The following RNGTT variants were observed in gnomAD, a reference collection of about 807,000 sequenced individuals.
The protein encoded by RNGTT is mRNA-capping enzyme.
In RNGTT, 33 loss-of-function variants were observed where a neutral mutation model predicts 79.3. The ratio of observed to expected loss-of-function variants is 0.42; its 90% CI spans 0.32 to 0.56. The LOEUF (loss-of-function observed/expected upper bound fraction) is 0.56. Among genes scored for constraint, RNGTT ranks in the 20% least tolerant of loss-of-function variants. The pLI, the probability that RNGTT is intolerant of heterozygous loss-of-function variation, is 0.17. For synonymous variants in RNGTT, 222 were observed against 235.9 expected, an observed-to-expected ratio of 0.94 and a Z score of 0.54; for missense variants, 497 against 739.1, an observed-to-expected ratio of 0.67 and a Z score of 3.80.
In RNGTT at chr6:88,827,052, C is replaced by T. The variant is rs528187152; in HGVS notation, c.1269+17305G>A. On this transcript the variant is annotated intron_variant, in intron 11 of 15. Coordinates refer to ENST00000369485, the MANE Select transcript of RNGTT (RefSeq NM_003800.5). ...CAGACAATGCCAAAGTAGTGGCTCA[C>T]ATTGTTGAGTTACACACTTTAAAAA... Among the ~76,000 whole-genome samples the T allele has an allele frequency of 1.3e-4, 20 of 151,820 alleles. No individual in the cohort carries two copies. The South Asian group carries it at 3.9e-3, about 30-fold the overall frequency.
At chr6:88,831,079 C>G (rs1780846922) in intron 11 of RNGTT, among the ~76,000 whole-genome samples, 1 of 152,174 alleles carries the variant, frequency 6.6e-6, no homozygotes, top group Non-Finnish European at 1.5e-5. Context: ...TCCAACCTAA[C>G]TCATTTTATG....
chr6:88,627,469 T>A (rs1237495884), intron 14 of RNGTT, among the ~76,000 whole-genome samples: 1 of 152,072 alleles, frequency 6.6e-6, no homozygotes, highest in African/African-American at 2.4e-5. Flanking sequence ...TATAACTATC[T>A]CCTTTCTCAC....
chr6:88,614,200 C>A, intron 15 of RNGTT, 72 bp downstream of exon 15: 1 of 1,450,914 alleles, frequency 6.9e-7, no homozygotes, highest in South Asian at 1.2e-5. Context: ...ACAACAAAGG[C>A]AGCACACTTT....
intron 13 of RNGTT, among the ~76,000 whole-genome samples, chr6:88,687,052 G>T (rs1775305969): frequency 6.6e-6 from 1 of 152,032 alleles, no homozygotes; most frequent in Admixed American, 6.6e-5. Flanking sequence ...GAAAATATTT[G>T]TAACATATAC....
intron 13 of RNGTT, among the ~76,000 whole-genome samples, chr6:88,698,666 T>C (rs1184487137): frequency 6.6e-6 from 1 of 152,096 alleles, no homozygotes; most frequent in Non-Finnish European, 1.5e-5. Context: ...CTAAAACTAT[T>C]TTAATAACTT....
chr6:88,810,265 C>T (rs944210923), intron 11 of RNGTT, among the ~76,000 whole-genome samples: 10 of 152,138 alleles, frequency 6.6e-5, no homozygotes, highest in Admixed American at 2.0e-4. Flanking sequence ...TCACTGAAGA[C>T]GGAACAGCCA....
At chr6:88,682,821 T>G (rs772723321) in intron 13 of RNGTT, among the ~76,000 whole-genome samples, 1 of 151,982 alleles carries the variant, frequency 6.6e-6, no homozygotes, top group Non-Finnish European at 1.5e-5. Flanking sequence ...CAGCTAGAAA[T>G]CAATAACATA....
intron 2 of RNGTT, among the ~76,000 whole-genome samples, chr6:88,939,629 ATGC>A (rs1190509738): frequency 6.6e-6 from 1 of 152,026 alleles, no homozygotes; most frequent in Non-Finnish European, 1.5e-5. Context: ...TTTTTTTATT[ATGC>A]TGCTGAAGGA....
At chr6:88,795,515 C>CGAT (rs1779567423) in intron 12 of RNGTT, among the ~76,000 whole-genome samples, 1 of 151,970 alleles carries the variant, frequency 6.6e-6, no homozygotes, top group Admixed American at 6.6e-5. Context: ...GGGAACATCA[C>CGAT]ACACTGGGGC....
At chr6:88,719,753 A>T (rs1274901022) in intron 13 of RNGTT, among the ~76,000 whole-genome samples, 1 of 152,200 alleles carries the variant, frequency 6.6e-6, no homozygotes, top group African/African-American at 2.4e-5. Context: ...AAAATGTTTT[A>T]TTTCTTTCAA....
chr6:88,723,614 T>G (rs976961128), intron 13 of RNGTT, among the ~76,000 whole-genome samples: 1 of 152,164 alleles, frequency 6.6e-6, no homozygotes, highest in East Asian at 1.9e-4. Flanking sequence ...AAAAGTAAAA[T>G]TGAAAAATTA....
At chr6:88,763,650 T>C (rs991940153) in intron 13 of RNGTT, among the ~76,000 whole-genome samples, 1 of 152,168 alleles carries the variant, frequency 6.6e-6, no homozygotes, top group Non-Finnish European at 1.5e-5. Context: ...AAAGAGGAAG[T>C]ATAAAGTTCT....
intron 13 of RNGTT, among the ~76,000 whole-genome samples, chr6:88,730,185 T>C (rs1039832932): frequency 1.3e-5 from 2 of 152,226 alleles, no homozygotes; most frequent in South Asian, 2.1e-4. Flanking sequence ...TATGTCAATA[T>C]GTAAAATTCT....
intron 14 of RNGTT, among the ~76,000 whole-genome samples, chr6:88,614,991 T>C (rs1176493788): frequency 6.6e-6 from 1 of 152,230 alleles, no homozygotes; most frequent in African/African-American, 2.4e-5. Context: ...CAGATGAAGC[T>C]ATTTGTGACA....
At chr6:88,768,166 TTTTC>T (rs746882661) in intron 13 of RNGTT, among the ~76,000 whole-genome samples, 3 of 130,998 alleles carry the variant, frequency 2.3e-5, no homozygotes, top group Non-Finnish European at 3.5e-5. Flanking sequence ...GTGTGTTTCT[TTTTC>T]TTTCTTTTTT....
intron 8 of RNGTT, among the ~76,000 whole-genome samples, chr6:88,855,753 G>A (rs1289865886): frequency 6.6e-6 from 1 of 152,108 alleles, no homozygotes; most frequent in Non-Finnish European, 1.5e-5. Context: ...TAGACCAAAT[G>A]CCAGGCCAGC....
intron 12 of RNGTT, among the ~76,000 whole-genome samples, chr6:88,784,145 T>C (rs1365595281): frequency 6.6e-6 from 1 of 152,166 alleles, no homozygotes; most frequent in Non-Finnish European, 1.5e-5. Flanking sequence ...CTGAGAATTA[T>C]ACAGGCAATA....
chr6:88,746,671 A>C (rs1335924056), intron 13 of RNGTT, among the ~76,000 whole-genome samples: 1 of 152,164 alleles, frequency 6.6e-6, no homozygotes, highest in African/African-American at 2.4e-5. Context: ...CAGGAGGTAG[A>C]GCTCAGGTGT....
intron 13 of RNGTT, among the ~76,000 whole-genome samples, chr6:88,730,507 C>T (rs1777072522): frequency 6.6e-6 from 1 of 152,192 alleles, no homozygotes; most frequent in South Asian, 2.1e-4. Flanking sequence ...AAGTACCTTG[C>T]CTTGCTCAGA....
Sources: gnomAD v4.1 joint callset for allele counts (sites outside exome capture counted in the v4.1 genomes callset) on GRCh38, gnomAD v4.1.1 for gene constraint, MANE v1.5 for transcripts, NCBI Gene and HGNC (gene_info 2026-07-23, HGNC 2026-07-21) for gene names.